PLXNA2: variants seen among roughly 807,000 people sequenced by gnomAD.
PLXNA2 encodes the protein plexin A2.
A neutral mutation model predicts 193.5 loss-of-function variants in PLXNA2; 91 were observed. The observed-to-expected ratio is 0.47, with a 90% CI of 0.40 to 0.56. The LOEUF is 0.56. PLXNA2 is among the 20% of genes least tolerant of loss of function. PLXNA2 has a pLI of 0.00. For missense variants in PLXNA2, 1,995 were observed against 2,503.2 expected (o/e 0.80, Z 4.33); for synonymous variants, 997 against 1,027.3 (o/e 0.97, Z 0.56).
intron 31 of PLXNA2, 78 bp from the exon 32 acceptor site, chr1:208,027,416 T>A: frequency 8.5e-7 from 1 of 1,174,506 alleles, no homozygotes; most frequent in Non-Finnish European, 1.3e-6. Context: ...GTTCCCTCTT[T>A]GCCCTCTGTC....
chr1:208,177,765 A>G (rs967402657), intron 3 of PLXNA2, among the ~76,000 whole-genome samples: 4 of 152,276 alleles, frequency 2.6e-5, no homozygotes, highest in Non-Finnish European at 5.9e-5. Context: ...TGCCCCACCT[A>G]AGAACTTGTT....
chr1:208,215,152 C>CA (rs1671084770), intron 2 of PLXNA2, among the ~76,000 whole-genome samples: 1 of 152,130 alleles, frequency 6.6e-6, no homozygotes, highest in African/African-American at 2.4e-5. Flanking sequence ...TGCATCACCA[C>CA]ACCCAGCTAA....
intron 13 of PLXNA2, among the ~76,000 whole-genome samples, chr1:208,055,235 C>T (rs1033718675): frequency 2.6e-5 from 4 of 152,262 alleles, no homozygotes; most frequent in African/African-American, 7.2e-5. Context: ...GCGAAAGTCA[C>T]GTCTCACACT....
At chr1:208,209,733 T>C (rs1318277) in intron 3 of PLXNA2, among the ~76,000 whole-genome samples, 35,882 of 152,024 alleles carry the variant, frequency 0.24, 4,792 homozygotes, top group Non-Finnish European at 0.29. Flanking sequence ...GAAGAGTCTG[T>C]GATTGCAGGA....
chr1:208,162,171 A>G (rs1669127249), intron 3 of PLXNA2, among the ~76,000 whole-genome samples: 1 of 152,236 alleles, frequency 6.6e-6, no homozygotes, highest in Non-Finnish European at 1.5e-5. Context: ...CCTCATTAGG[A>G]AAGGCCAAAG....
chr1:208,103,320 G>A, intron 4 of PLXNA2, 73 bp from the exon 5 acceptor site: 1 of 1,178,730 alleles, frequency 8.5e-7, no homozygotes, highest in African/African-American at 1.5e-5. Flanking sequence ...ACACAGTCCT[G>A]TGTGTACTCA....
intron 8 of PLXNA2, 81 bp from the exon 9 acceptor site, chr1:208,092,981 A>T: frequency 2.1e-6 from 2 of 940,394 alleles, no homozygotes. Flanking sequence ...AAGTCTGTTA[A>T]CCTGTGTTTA....
chr1:208,071,360 C>T (rs1413718168), intron 12 of PLXNA2, among the ~76,000 whole-genome samples: 3 of 152,258 alleles, frequency 2.0e-5, no homozygotes, highest in Non-Finnish European at 4.4e-5. Context: ...TTGACAGCTT[C>T]TCCTCTCTTT....
In PLXNA2 at chr1:208,022,279, CTTTA is replaced by C; in HGVS notation, c.*4960_*4963del. The C allele has an allele frequency of 6.6e-6, 1 of 152,352 alleles. No homozygotes were observed. Among genetic ancestry groups the C allele is most frequent in the African/African-American group, 2.4e-5 (1 of 41,382 alleles). 9.4% of individuals were successfully genotyped at this position (152,352 alleles called of 1,614,324 possible). A position where few individuals can be genotyped will look rare whatever the true frequency, so the allele number is the denominator to read the frequency against. On this transcript the variant is annotated 3_prime_UTR_variant, in exon 32 of 32. Transcript: ENST00000367033. ...TTTAAGGTTTTTTTAATTCAGTAAA[CTTTA>C]TTTATATATAACAACAGTACAAATT...
rs752304078 is a variant in PLXNA2, at chr1:208,038,971, A to G, written c.4514T>C (p.Val1505Ala). ...IEYKTLILNC[V>A]NPDNENSPEI... ...TGGACTGTTCTCGTTGTCAGGGTTG[A>G]CGCAGTTCAGGATCTACAAGTAGGG... is the stretch of plus-strand genomic sequence containing the variant. Residue 1505 changes from valine to alanine, a missense_variant, in exon 25 of 32, where the codon GTC becomes GCC. This residue lies in a region of PLXNA2 where 1,291 missense variants were observed against 1,673.6 expected (regional missense o/e 0.77). Transcript: ENST00000367033. This position sits in a 1 kb window ranked among gnomAD's most constrained non-coding sequence, Gnocchi z 4.1. The G allele has an allele frequency of 6.2e-7, 1 of 1,613,930 alleles. No individual in the cohort carries two copies. The highest frequency in any genetic ancestry group is 8.5e-7 in the Non-Finnish European group (1 of 1,179,910).
chr1:208,121,400 G>A (rs1247448405), intron 4 of PLXNA2, among the ~76,000 whole-genome samples: 2 of 152,178 alleles, frequency 1.3e-5, no homozygotes, highest in Non-Finnish European at 2.9e-5. Flanking sequence ...TACTGATATG[G>A]TTTGGCTCTG....
intron 1 of PLXNA2, among the ~76,000 whole-genome samples, chr1:208,239,985 T>C (rs1671994717): frequency 6.6e-6 from 1 of 152,172 alleles, no homozygotes. Flanking sequence ...CCTCTGAGTT[T>C]CCCAGAGATA....
In PLXNA2 at chr1:208,060,834, A is replaced by C; in HGVS notation, c.2590T>G (p.Leu864Val). ...KCSNPQITEILTVSGPPEGGT... is the reference protein window; with the variant it reads ...KCSNPQITEIVTVSGPPEGGT... ...CCTTCCGGCGGTCCAGACACCGTCA[A>C]AATCTGCAGGAGGGAAATGGGATTA... The change falls in exon 13 of 32, where the codon TTG becomes GTG. Residue 864 changes from leucine to valine, a missense_variant. Around this residue, in one of 3 missense-constraint regions of PLXNA2, gnomAD observed 1,291 missense variants for 1,673.6 expected, o/e 0.77. Transcript: ENST00000367033. The C allele has an allele frequency of 1.9e-6, 3 of 1,613,852 alleles. No homozygotes were observed. The highest frequency in any genetic ancestry group is 2.5e-6 in the Non-Finnish European group (3 of 1,179,864).
rs1200106587 is a variant in PLXNA2, at chr1:208,043,082, G to A, written c.3996C>T (p.His1332=). Residue 1332 remains histidine, a synonymous_variant, in exon 21 of 32, where the codon CAC becomes CAT. Transcript: ENST00000367033. The part of the protein sequence containing the change: ...MRVLFPGIED[H]PVLRELEVQG... ...TTACCTCCAGCTCCCGCAGGACGGG[G>A]TGGTCCTCGATGCCCGGGAACAGGA... 1 of 1,613,888 alleles carries A rather than the reference G, an allele frequency of 6.2e-7. No homozygotes were observed. Among genetic ancestry groups the A allele is most frequent in the Non-Finnish European group, 8.5e-7 (1 of 1,180,022 alleles).
In PLXNA2 at chr1:208,244,369, C is replaced by A; in HGVS notation, c.-807G>T. On this transcript the variant is annotated 5_prime_UTR_variant, in exon 1 of 32. An upstream start codon of the reference 5' UTR is lost. Transcript: ENST00000367033. ...CTGAGCGCCGGCCTCCCTATTTCAC[C>A]ATGCAGCTCATTATCATAGAGGCCG... 1.1e-5 allele frequency: 2 copies of A among 175,444 alleles called. No individual in the cohort carries two copies. Among genetic ancestry groups the A allele is most frequent in the South Asian group, 1.3e-4 (1 of 7,714 alleles). The allele number at this position is 175,444 out of a possible 1,614,324, so 10.9% of individuals were successfully genotyped here. A position where few individuals can be genotyped will look rare whatever the true frequency, so the allele number is the denominator to read the frequency against.
intron 3 of PLXNA2, among the ~76,000 whole-genome samples, chr1:208,200,134 A>G (rs1381778300): frequency 6.6e-6 from 1 of 152,176 alleles, no homozygotes; most frequent in African/African-American, 2.4e-5. Flanking sequence ...AAACCATAAC[A>G]CAGGGTAGGA....
In PLXNA2 at chr1:208,025,190, G is replaced by A. The variant is rs979577731; in HGVS notation, c.*2053C>T. 3.3e-5 allele frequency: 5 copies of A among 152,640 alleles called. No individual in the cohort carries two copies. The highest frequency in any genetic ancestry group is 9.7e-5 in the African/African-American group (4 of 41,444). The allele number at this position is 152,640 out of a possible 1,614,324, so 9.5% of individuals were successfully genotyped here. On this transcript the variant is annotated 3_prime_UTR_variant, in exon 32 of 32. Transcript: ENST00000367033. ...CCATTTGTCAGCCGCATTCAGGCAA[G>A]AAACTAGAGCTGGGGAGACCGGGCA...
intron 13 of PLXNA2, among the ~76,000 whole-genome samples, chr1:208,056,312 C>A (rs1665430145): frequency 6.6e-6 from 1 of 152,214 alleles, no homozygotes; most frequent in Admixed American, 6.5e-5. Context: ...TCCCTCTCTT[C>A]TAATGAGGGT....
In PLXNA2 at chr1:208,023,302, T is replaced by C. The variant is rs1274000546; in HGVS notation, c.*3941A>G. ...AGACGGCCTCTCCTGGAGCAGCTGCTGGATCAGTATTTACCAGGAGCAGGT... is the reference window on the plus strand; with the variant it reads ...AGACGGCCTCTCCTGGAGCAGCTGCCGGATCAGTATTTACCAGGAGCAGGT... On this transcript the variant is annotated 3_prime_UTR_variant, in exon 32 of 32. Transcript: ENST00000367033. The C allele has an allele frequency of 6.6e-6, 1 of 152,642 alleles. No homozygotes were observed. The highest frequency in any genetic ancestry group is 2.4e-5 in the African/African-American group (1 of 41,448). 9.5% of individuals were successfully genotyped at this position (152,642 alleles called of 1,614,324 possible).
Sources: allele counts gnomAD v4.1 joint callset (sites outside exome capture counted in the v4.1 genomes callset), GRCh38; gene constraint gnomAD v4.1.1; regional missense constraint gnomAD v4.1.1; non-coding constraint Gnocchi (gnomAD v3.1); transcripts MANE v1.5; gene names NCBI Gene and HGNC (gene_info 2026-07-23, HGNC 2026-07-21).